Variants in CHST9 observed in about 807,000 individuals in gnomAD.
The protein encoded by CHST9 is GalNAc-4-sulfotransferase 2.
In CHST9, 41 loss-of-function variants were observed where a neutral mutation model predicts 44.4. The ratio of observed to expected loss-of-function variants is 0.92; its 90% CI spans 0.72 to 1.20. The LOEUF is 1.20. Among genes scored for constraint, CHST9 ranks in the 50% most tolerant of loss-of-function variants. The pLI is 0.00. For synonymous variants in CHST9, 171 were observed against 178.4 expected, an observed-to-expected ratio of 0.96 and a Z score of 0.33; for missense variants, 504 against 516.5, an observed-to-expected ratio of 0.98 and a Z score of 0.23.
chr18:26,954,553 CATCTA>C lies in CHST9; in HGVS notation c.203-10192_203-10188del, dbSNP rs370028107. 4.8e-3 allele frequency among the ~76,000 whole-genome samples: 733 copies of C among 152,202 alleles called. 5 individuals carry two copies. Among genetic ancestry groups the C allele is most frequent in the African/African-American group, 0.017 (709 of 41,528 alleles). ...TCTGTTTCCCTTCCTTTCTACCCTC[CATCTA>C]CTCTGGTCTTATGTTCATTTCTGGT... On this transcript the variant is annotated intron_variant, in intron 4 of 5. Coordinates refer to ENST00000618847, the MANE Select transcript of CHST9 (RefSeq NM_031422.6).
chr18:26,924,625 T>C, intron 5 of CHST9: 2 of 943,408 alleles, frequency 2.1e-6, no homozygotes. Context: ...GACCTAATTG[T>C]CTCCAGTCAT....
At chr18:26,940,670 G>A (rs1231861489) in intron 5 of CHST9, among the ~76,000 whole-genome samples, 5 of 152,134 alleles carry the variant, frequency 3.3e-5, no homozygotes, top group Non-Finnish European at 7.3e-5. Context: ...CATCAGAAGT[G>A]CCCAGTGCTC....
At chr18:27,045,877 A>T (rs2057493954) in intron 3 of CHST9, among the ~76,000 whole-genome samples, 1 of 152,098 alleles carries the variant, frequency 6.6e-6, no homozygotes, top group Non-Finnish European at 1.5e-5. Context: ...GGACAGTTTT[A>T]TTCCATAGTC....
chr18:27,042,710 T>C (rs1334080241), intron 3 of CHST9, among the ~76,000 whole-genome samples: 8 of 152,040 alleles, frequency 5.3e-5, no homozygotes, highest in South Asian at 2.1e-4. Flanking sequence ...AGCCTGAAAA[T>C]AGTGGTTCAA....
chr18:27,050,440 C>T (rs988144052), intron 2 of CHST9, among the ~76,000 whole-genome samples: 1 of 152,126 alleles, frequency 6.6e-6, no homozygotes. Flanking sequence ...ACAGCTGGAG[C>T]TAGTTACTGA....
chr18:27,183,681 C>T (rs896719642), intron 1 of CHST9, among the ~76,000 whole-genome samples: 3 of 152,052 alleles, frequency 2.0e-5, no homozygotes, highest in Non-Finnish European at 4.4e-5. Context: ...GCTGTAAGTG[C>T]CTAGGAATCA....
intron 4 of CHST9, among the ~76,000 whole-genome samples, chr18:26,960,660 T>G (rs767886218): frequency 6.6e-6 from 1 of 152,196 alleles, no homozygotes; most frequent in Non-Finnish European, 1.5e-5. Flanking sequence ...AAGGTCTGAT[T>G]GCAAAAATTC....
At chr18:27,177,347 G>A (rs1462310314) in intron 1 of CHST9, among the ~76,000 whole-genome samples, 1 of 151,648 alleles carries the variant, frequency 6.6e-6, no homozygotes. Flanking sequence ...ATTCATTAAA[G>A]TATATAATCA....
At chr18:27,099,976 T>C (rs996834637) in intron 2 of CHST9, among the ~76,000 whole-genome samples, 9 of 151,770 alleles carry the variant, frequency 5.9e-5, no homozygotes, top group African/African-American at 2.2e-4. Context: ...AACCTAGGTG[T>C]CCATCAATGG....
intron 2 of CHST9, among the ~76,000 whole-genome samples, chr18:27,069,323 TA>T (rs2057814650): frequency 6.6e-6 from 1 of 152,182 alleles, no homozygotes; most frequent in African/African-American, 2.4e-5. Context: ...TTTGCAGTTA[TA>T]AAAAGCAATG....
chr18:26,984,971 G>A (rs1010011318), intron 4 of CHST9, among the ~76,000 whole-genome samples: 1 of 152,116 alleles, frequency 6.6e-6, no homozygotes, highest in Admixed American at 6.5e-5. Context: ...GCATATGCCT[G>A]TCCCATCACC....
intron 2 of CHST9, among the ~76,000 whole-genome samples, chr18:27,061,922 T>C (rs2057726174): frequency 6.6e-6 from 1 of 152,176 alleles, no homozygotes; most frequent in South Asian, 2.1e-4. Flanking sequence ...AAACCCATTG[T>C]ACAACCTTTG....
chr18:26,942,351 C>T (rs1026896788), intron 5 of CHST9, among the ~76,000 whole-genome samples: 4 of 152,070 alleles, frequency 2.6e-5, no homozygotes, highest in East Asian at 1.9e-4. Context: ...TTGAAGGAGA[C>T]GACGATCTGT....
intron 2 of CHST9, among the ~76,000 whole-genome samples, chr18:27,126,334 G>A (rs1167115186): frequency 6.6e-6 from 1 of 152,142 alleles, no homozygotes; most frequent in Non-Finnish European, 1.5e-5. Context: ...TAGGCACAGG[G>A]GATGCAATGG....
At chr18:26,957,881 T>C (rs1057048080) in intron 4 of CHST9, among the ~76,000 whole-genome samples, 3 of 151,954 alleles carry the variant, frequency 2.0e-5, no homozygotes, top group Admixed American at 2.0e-4. Flanking sequence ...TTCTTTCTTT[T>C]TTGTTGTTTT....
chr18:27,131,531 A>G (rs945236652), intron 2 of CHST9, among the ~76,000 whole-genome samples: 1 of 152,188 alleles, frequency 6.6e-6, no homozygotes, highest in African/African-American at 2.4e-5. Context: ...AGCCTGGGCG[A>G]CACGAGCAAA....
At chr18:26,956,615 T>C (rs1263560726) in intron 4 of CHST9, among the ~76,000 whole-genome samples, 1 of 151,958 alleles carries the variant, frequency 6.6e-6, no homozygotes, top group African/African-American at 2.4e-5. Context: ...CAATATTCTC[T>C]GGCCTATGCA....
At chr18:27,024,780 T>C (rs1280602275) in intron 3 of CHST9, among the ~76,000 whole-genome samples, 1 of 152,124 alleles carries the variant, frequency 6.6e-6, no homozygotes, top group Admixed American at 6.6e-5. Context: ...CGAATGAAAG[T>C]TTATTCTGTA....
At chr18:27,163,002 C>T (rs1304286974) in intron 1 of CHST9, among the ~76,000 whole-genome samples, 1 of 152,044 alleles carries the variant, frequency 6.6e-6, no homozygotes, top group African/African-American at 2.4e-5. Flanking sequence ...TGTGGATGTC[C>T]TTTCTGTTTG....
Sources: allele counts gnomAD v4.1 joint callset (sites outside exome capture counted in the v4.1 genomes callset), GRCh38; gene constraint gnomAD v4.1.1; transcripts MANE v1.5; gene names NCBI Gene and HGNC (gene_info 2026-07-23, HGNC 2026-07-21).